The following FOXN3 variants were observed in gnomAD, a reference collection of about 807,000 sequenced individuals.
FOXN3 encodes the protein forkhead box N3.
A neutral mutation model predicts 38.4 loss-of-function variants in FOXN3; 7 were observed. The observed-to-expected ratio is 0.18, with a 90% confidence interval of 0.10 to 0.34. FOXN3 has a LOEUF of 0.34. Ranked by LOEUF, FOXN3 falls within the 10% of genes least tolerant of loss-of-function variation. The pLI, the probability that FOXN3 is intolerant of heterozygous loss-of-function variation, is 1.00. For missense variants in FOXN3, 456 were observed against 613.4 expected (o/e 0.74, Z 2.71); for synonymous variants, 230 against 242.2 (o/e 0.95, Z 0.47).
rs371472231 is a variant in FOXN3, at chr14:89,183,667, A to AT, written c.746-2862dup. Among the ~76,000 whole-genome samples, 737 of 135,972 alleles carry AT rather than the reference A, an allele frequency of 5.4e-3. 6 individuals are homozygous for AT. The highest frequency in any genetic ancestry group is 0.02 in the African/African-American group (707 of 35,340). The allele number at this position is 135,972 out of a possible 152,430, so 89.2% of individuals were successfully genotyped here. On this transcript the variant is annotated intron_variant, in intron 4 of 5. Coordinates refer to ENST00000557258, the MANE Select transcript of FOXN3 (RefSeq NM_005197.4). Reference sequence around the variant, plus strand: ...TGGCACATACAAAGACCTGGAAGTGATTTTTTAATGATGCAGAATGTGCTC... The same window carrying AT: ...TGGCACATACAAAGACCTGGAAGTGATTTTTTTAATGATGCAGAATGTGCTC...
intron 3 of FOXN3, among the ~76,000 whole-genome samples, chr14:89,305,154 C>T (rs866659731): frequency 2.6e-5 from 4 of 152,050 alleles, no homozygotes; most frequent in Non-Finnish European, 5.9e-5. Context: ...TCACACAGGC[C>T]GGGTGCTGGT....
chr14:89,453,877 C>T (rs1180599694), intron 1 of FOXN3, among the ~76,000 whole-genome samples: 4 of 152,122 alleles, frequency 2.6e-5, no homozygotes, highest in Admixed American at 6.6e-5. Flanking sequence ...TTGTGTCCCC[C>T]AAAATTCAGA....
chr14:89,467,763 C>T (rs930507812), intron 1 of FOXN3, among the ~76,000 whole-genome samples: 15 of 149,278 alleles, frequency 1.0e-4, no homozygotes, highest in African/African-American at 3.4e-4. Flanking sequence ...GCCCACCAAG[C>T]TCCCAGCTAA....
At chr14:89,369,778 C>A (rs1433533544) in intron 2 of FOXN3, among the ~76,000 whole-genome samples, 1 of 152,188 alleles carries the variant, frequency 6.6e-6, no homozygotes. Context: ...TCAATTACCT[C>A]CCCCTAGGTC....
At position 89,258,652 on chromosome 14, in the gene FOXN3, G is replaced by A. The variant is rs184335067; in HGVS notation, c.745+22298C>T. Among the ~76,000 whole-genome samples the A allele has an allele frequency of 3.9e-4, 59 of 152,320 alleles. 1 individual carries two copies. The highest frequency in any genetic ancestry group is 1.4e-3 in the African/African-American group (58 of 41,572). The stretch of plus-strand genomic sequence containing the variant: ...AAGCAGCTTTTTTCAGAAGATAAAT[G>A]TAACTAATAGTTACAGTGGTCCCAA... On this transcript the variant is annotated intron_variant, in intron 4 of 5. Coordinates refer to ENST00000557258, the MANE Select transcript of FOXN3 (RefSeq NM_005197.4).
At chr14:89,616,521 A>ACCCCCCCCCCCCCCCCC (rs1161046760) in intron 1 of FOXN3, among the ~76,000 whole-genome samples, 7 of 137,944 alleles carry the variant, frequency 5.1e-5, no homozygotes, top group Admixed American at 1.5e-4. Context: ...TCACTCCCCA[A>ACCCCCCCCCCCCCCCCC]CCCCACCCCC....
intron 1 of FOXN3, among the ~76,000 whole-genome samples, chr14:89,604,976 T>A (rs1896239614): frequency 6.6e-6 from 1 of 151,608 alleles, no homozygotes; most frequent in Non-Finnish European, 1.5e-5. Flanking sequence ...AAGGGGGAAA[T>A]GGACATTTTT....
intron 1 of FOXN3, among the ~76,000 whole-genome samples, chr14:89,547,548 T>C (rs1381181779): frequency 6.6e-6 from 1 of 152,174 alleles, no homozygotes; most frequent in East Asian, 1.9e-4. Flanking sequence ...TTGTTAATTG[T>C]TGATTTCCAC....
chr14:89,609,774 C>T (rs1596332233), intron 1 of FOXN3, among the ~76,000 whole-genome samples: 1 of 151,838 alleles, frequency 6.6e-6, no homozygotes, highest in East Asian at 1.9e-4. Flanking sequence ...CAAGGTCACT[C>T]GTAGTTTTTT....
chr14:89,233,793 T>C (rs968247432), intron 4 of FOXN3, among the ~76,000 whole-genome samples: 5 of 152,200 alleles, frequency 3.3e-5, no homozygotes, highest in African/African-American at 1.2e-4. Context: ...CCCAAGATAC[T>C]CCCTGGGATA....
At chr14:89,287,904 A>C (rs1259223467) in intron 3 of FOXN3, among the ~76,000 whole-genome samples, 2 of 152,090 alleles carry the variant, frequency 1.3e-5, no homozygotes, top group Admixed American at 6.6e-5. Context: ...ACAAAAAATA[A>C]ACAAAATCAG....
chr14:89,293,279 C>T (rs1264488660), intron 3 of FOXN3, among the ~76,000 whole-genome samples: 1 of 152,238 alleles, frequency 6.6e-6, no homozygotes, highest in East Asian at 1.9e-4. Flanking sequence ...CCAGGGCACG[C>T]TCTCCATGCT....
At chr14:89,615,860 A>AAT (rs1896484474) in intron 1 of FOXN3, among the ~76,000 whole-genome samples, 1 of 152,232 alleles carries the variant, frequency 6.6e-6, no homozygotes, top group Admixed American at 6.5e-5. Flanking sequence ...ACATTAAAAT[A>AAT]GAGTTAGGAC....
At chr14:89,296,690 C>A (rs1396686466) in intron 3 of FOXN3, among the ~76,000 whole-genome samples, 2 of 152,360 alleles carry the variant, frequency 1.3e-5, no homozygotes, top group East Asian at 3.9e-4. Flanking sequence ...GGCTGGAGCG[C>A]AATGGCACGA....
chr14:89,180,782 C>T lies in FOXN3; in HGVS notation c.770G>A (p.Gly257Glu), dbSNP rs1887647086. Residue 257 changes from glycine to glutamate, a missense_variant, in exon 5 of 6, where the codon GGA (glycine) becomes GAA (glutamate). By Grantham distance (98) the Gly-to-Glu change is moderately conservative. Transcript: ENST00000557258. ...CAGCCCTCGGCTCAGGACCCGCGCT[C>T]CATTTTGGATCACTCCTGGAGGAAC... ...LQVPPGVIQN[G>E]ARVLSRGLFP... 1 of 1,612,080 alleles carries T rather than the reference C, an allele frequency of 6.2e-7. No homozygotes were observed. Among genetic ancestry groups the T allele is most frequent in the Non-Finnish European group, 8.5e-7 (1 of 1,179,150 alleles).
intron 3 of FOXN3, among the ~76,000 whole-genome samples, chr14:89,344,890 G>A (rs908144660): frequency 6.6e-6 from 1 of 152,162 alleles, no homozygotes; most frequent in African/African-American, 2.4e-5. Flanking sequence ...CTAGGAAGGA[G>A]GGGCACAGGC....
intron 4 of FOXN3, among the ~76,000 whole-genome samples, chr14:89,257,365 A>G (rs1885656555): frequency 6.6e-6 from 1 of 152,244 alleles, no homozygotes; most frequent in South Asian, 2.1e-4. Context: ...GAGAGGTTCA[A>G]ATTAGAGAGT....
intron 4 of FOXN3, among the ~76,000 whole-genome samples, chr14:89,211,928 G>A (rs1015974645): frequency 6.6e-6 from 1 of 152,154 alleles, no homozygotes; most frequent in African/African-American, 2.4e-5. Flanking sequence ...GGGCCCTTTG[G>A]GAGGTGATAG....
At chr14:89,506,316 G>A (rs1596301354) in intron 1 of FOXN3, among the ~76,000 whole-genome samples, 10 of 87,108 alleles carry the variant, frequency 1.1e-4, no homozygotes, top group African/African-American at 2.7e-4. Context: ...CCCCGTCCGG[G>A]AGGGAGGTGG....
Sources: gnomAD v4.1 joint callset for allele counts (sites outside exome capture counted in the v4.1 genomes callset) on GRCh38, gnomAD v4.1.1 for gene constraint, MANE v1.5 for transcripts, NCBI Gene and HGNC (gene_info 2026-07-23, HGNC 2026-07-21) for gene names.